The following MYO18B variants were observed in gnomAD, a reference collection of about 807,000 sequenced individuals.
MYO18B encodes myosin XVIIIB.
In MYO18B, 204 loss-of-function variants were observed where a neutral mutation model predicts 273.0. That is an observed-to-expected ratio of 0.75 (90% CI 0.67 to 0.84). MYO18B has a LOEUF of 0.84. MYO18B is among the 40% of genes least tolerant of loss of function. MYO18B has a pLI of 0.00. For missense variants in MYO18B, 3,212 were observed against 3,287.6 expected, an observed-to-expected ratio of 0.98 and a Z score of 0.56; for synonymous variants, 1,330 against 1,305.7, an observed-to-expected ratio of 1.02 and a Z score of -0.40.
chr22:25,825,488 A>G (rs1224907927), intron 13 of MYO18B, among the ~76,000 whole-genome samples: 1 of 152,200 alleles, frequency 6.6e-6, no homozygotes, highest in Non-Finnish European at 1.5e-5. Context: ...GCTTTGTTCA[A>G]TGCACCCTAA....
the MYO18B span, among the ~76,000 whole-genome samples, chr22:26,053,426 A>T: frequency 6.6e-6 from 1 of 152,230 alleles, no homozygotes; most frequent in Non-Finnish European, 1.5e-5. Flanking sequence ...TCCTGGCCTC[A>T]TGGCTGGTGC....
chr22:25,947,178 C>T (rs560977824), intron 35 of MYO18B, among the ~76,000 whole-genome samples: 6 of 151,832 alleles, frequency 4.0e-5, no homozygotes, highest in Non-Finnish European at 7.4e-5. Context: ...TACATATTCA[C>T]GTGCGATCAC....
chr22:26,028,757 G>A lies in MYO18B; in HGVS notation c.*12+1067G>A, dbSNP rs887531977. On this transcript the variant is annotated intron_variant, in intron 43 of 43. Coordinates refer to ENST00000335473, the MANE Select transcript of MYO18B (RefSeq NM_032608.7). ...AAAAAAAATAGCAGAGCGTGGTAGC[G>A]GGTGCCTGTAGTCCCAGCTACTGGG... Among the ~76,000 whole-genome samples the A allele has an allele frequency of 3.3e-5, 5 of 152,136 alleles. No homozygotes were observed. In the South Asian group the frequency reaches 8.3e-4, roughly 25 times the overall value.
chr22:26,018,998 G>T (rs934354493), intron 42 of MYO18B, among the ~76,000 whole-genome samples: 9 of 152,118 alleles, frequency 5.9e-5, no homozygotes, highest in Admixed American at 1.3e-4. Context: ...CACCAGTATT[G>T]ACTGCTGTCT....
At chr22:25,951,870 T>G (rs1202132479) in intron 37 of MYO18B, among the ~76,000 whole-genome samples, 1 of 152,208 alleles carries the variant, frequency 6.6e-6, no homozygotes, top group East Asian at 1.9e-4. Context: ...GGAAAGGAAC[T>G]GACTTTCTCA....
chr22:25,982,135 C>A (rs1370895576), intron 39 of MYO18B, among the ~76,000 whole-genome samples: 1 of 152,106 alleles, frequency 6.6e-6, no homozygotes, highest in Admixed American at 6.5e-5. Context: ...GGAAATCCAC[C>A]CCCATGATCC....
intron 25 of MYO18B, among the ~76,000 whole-genome samples, chr22:25,881,889 G>A (rs1304305601): frequency 6.6e-6 from 1 of 152,218 alleles, no homozygotes; most frequent in Non-Finnish European, 1.5e-5. Flanking sequence ...TGGAAGCCAG[G>A]GGAAGAGGTA....
chr22:25,847,534 A>C lies in MYO18B; in HGVS notation c.3657A>C (p.Pro1219=), dbSNP rs2090290066. The C allele has an allele frequency of 6.4e-7, 1 of 1,573,932 alleles. No individual in the cohort carries two copies. The highest frequency in any genetic ancestry group is 8.6e-7 in the Non-Finnish European group (1 of 1,159,590). ...GGAGTGGGCAGGAATCTCCACCACC[A>C]CCGCAGCCTGGTAGAGACAAGCCTG... ...ESRSGQESPP[P]PQPGRDKPGA... The change falls in exon 20 of 44, where the codon CCA becomes CCC. Residue 1219 remains proline, a synonymous_variant. Transcript: ENST00000335473.
At chr22:25,948,431 C>CTTTCT (rs2092742759) in intron 36 of MYO18B, among the ~76,000 whole-genome samples, 1 of 124,090 alleles carries the variant, frequency 8.1e-6, no homozygotes, top group Non-Finnish European at 1.6e-5. Flanking sequence ...TCCTTCCTTC[C>CTTTCT]TTCCTTCCTT....
intron 11 of MYO18B, among the ~76,000 whole-genome samples, chr22:25,788,160 T>C (rs887878755): frequency 1.3e-5 from 2 of 152,216 alleles, no homozygotes; most frequent in South Asian, 4.1e-4. Flanking sequence ...GTTTCTTTGT[T>C]CTCTCTCTGC....
chr22:25,899,865 G>A (rs933619211), intron 29 of MYO18B: 2 of 151,774 alleles, frequency 1.3e-5, no homozygotes, highest in African/African-American at 4.8e-5. Flanking sequence ...TGGAAGAATG[G>A]CTCTGACATA....
chr22:25,948,443 C>CTTTCTTTCTTTCT (rs1569225056), intron 36 of MYO18B, among the ~76,000 whole-genome samples: 8 of 114,386 alleles, frequency 7.0e-5, no homozygotes, highest in African/African-American at 3.0e-4. Flanking sequence ...TCCTTCCTTC[C>CTTTCTTTCTTTCT]TTCCTTCCTT....
At position 25,768,405 on chromosome 22, in the gene MYO18B, C is replaced by T. The variant is rs535174964; in HGVS notation, c.489C>T (p.Asp163=). The T allele has an allele frequency of 3.7e-6, 6 of 1,613,718 alleles. No individual in the cohort carries two copies. In the South Asian group the frequency reaches 6.6e-5, roughly 18 times the overall value. The part of the protein sequence containing the change: ...VLLMVAKLDP[D]SAKPEKTHPH... ...TGATGGTGGCCAAGCTGGACCCGGA[C>T]TCAGCCAAGCCAGAGAAGACTCATC... The change falls in exon 4 of 44, where the codon GAC becomes GAT. Residue 163 remains aspartate (D), a synonymous_variant. Transcript: ENST00000335473.
intron 17 of MYO18B, among the ~76,000 whole-genome samples, chr22:25,838,232 C>T (rs941165186): frequency 6.6e-6 from 1 of 151,822 alleles, no homozygotes; most frequent in Non-Finnish European, 1.5e-5. Flanking sequence ...GAGTTTCACT[C>T]TTGTGGCCCA....
At chr22:25,744,996 T>A (rs2085735584) in intron 1 of MYO18B, among the ~76,000 whole-genome samples, 1 of 152,210 alleles carries the variant, frequency 6.6e-6, no homozygotes, top group South Asian at 2.1e-4. Flanking sequence ...GAGCCCCTTA[T>A]GTTAGAAATA....
intron 12 of MYO18B, among the ~76,000 whole-genome samples, chr22:25,813,513 G>T (rs1248207818): frequency 6.6e-6 from 1 of 152,162 alleles, no homozygotes; most frequent in African/African-American, 2.4e-5. Context: ...GTTGAGGGTG[G>T]TCAGCTCCAC....
chr22:25,834,124 A>C (rs2089811924), intron 16 of MYO18B, among the ~76,000 whole-genome samples: 1 of 151,064 alleles, frequency 6.6e-6, no homozygotes, highest in Non-Finnish European at 1.5e-5. Flanking sequence ...TGTGGCTGCA[A>C]ATAGCTACCT....
intron 39 of MYO18B, among the ~76,000 whole-genome samples, chr22:25,960,430 A>G (rs932600428): frequency 3.9e-5 from 6 of 152,090 alleles, no homozygotes; most frequent in African/African-American, 9.7e-5. Flanking sequence ...AGGTGCACCT[A>G]TTTCAGAGGC....
In MYO18B at chr22:25,768,486, A is replaced by G. The variant is rs529978498; in HGVS notation, c.570A>G (p.Glu190=). 2 of 1,572,050 alleles carry G rather than the reference A, an allele frequency of 1.3e-6. No homozygotes were observed. The highest frequency in any genetic ancestry group is 2.4e-5 in the East Asian group (1 of 42,148). ...CCCCCGCCACAGATACTGGAAAGGA[A>G]AAGAAAGGGGAGACCTCTAGGACTC... ...TSPPATDTGK[E]KKGETSRTPC... Residue 190 remains glutamate, a synonymous_variant, in exon 4 of 44, where the codon GAA becomes GAG. Coordinates refer to ENST00000335473, the MANE Select transcript of MYO18B (RefSeq NM_032608.7).
Sources: allele counts gnomAD v4.1 joint callset (sites outside exome capture counted in the v4.1 genomes callset), GRCh38; gene constraint gnomAD v4.1.1; transcripts MANE v1.5; gene names NCBI Gene and HGNC (gene_info 2026-07-23, HGNC 2026-07-21).